PSMD14: variants seen among roughly 807,000 people sequenced by gnomAD.
PSMD14 encodes proteasome 26S subunit, non-ATPase 14.
A neutral mutation model predicts 41.2 loss-of-function variants in PSMD14; 7 were observed. That is an observed-to-expected ratio of 0.17 (90% CI 0.10 to 0.32). The LOEUF (loss-of-function observed/expected upper bound fraction) is 0.32, where lower values mean the gene tolerates loss of function less well. Among genes scored for constraint, PSMD14 ranks in the 10% least tolerant of loss-of-function variants. The pLI, the probability that PSMD14 is intolerant of heterozygous loss-of-function variation, is 1.00. For synonymous variants in PSMD14, 114 were observed against 122.3 expected (o/e 0.93, Z 0.45); for missense variants, 139 against 375.6 (o/e 0.37, Z 5.21).
At chr2:161,396,066 G>GGGA (rs1683788880) in intron 10 of PSMD14, among the ~76,000 whole-genome samples, 1 of 152,196 alleles carries the variant, frequency 6.6e-6, no homozygotes, top group Non-Finnish European at 1.5e-5. Flanking sequence ...AGAAGACCAT[G>GGGA]GGAAGCCCTG....
intron 3 of PSMD14, among the ~76,000 whole-genome samples, chr2:161,346,917 A>T (rs529376287): frequency 6.6e-6 from 1 of 152,082 alleles, no homozygotes; most frequent in Admixed American, 6.5e-5. Flanking sequence ...GATCATTATT[A>T]AGCTGAATAC....
At chr2:161,388,966 T>G (rs1007227830) in intron 8 of PSMD14, among the ~76,000 whole-genome samples, 1 of 152,094 alleles carries the variant, frequency 6.6e-6, no homozygotes, top group African/African-American at 2.4e-5. Context: ...AGCAGGTGAG[T>G]AAGTGAAATT....
intron 1 of PSMD14, among the ~76,000 whole-genome samples, chr2:161,311,884 G>A (rs760572852): frequency 1.9e-4 from 29 of 151,848 alleles, no homozygotes; most frequent in Middle Eastern, 3.4e-3. Flanking sequence ...CAAAGAGCTG[G>A]GATTACAGGT....
chr2:161,319,298 A>C (rs1326223830), intron 3 of PSMD14, among the ~76,000 whole-genome samples: 2 of 152,066 alleles, frequency 1.3e-5, no homozygotes, highest in Non-Finnish European at 2.9e-5. Context: ...ACACTGGTAA[A>C]TTTCTGCTAG....
chr2:161,387,055 A>G (rs1393719701), intron 8 of PSMD14, among the ~76,000 whole-genome samples: 1 of 151,966 alleles, frequency 6.6e-6, no homozygotes, highest in Non-Finnish European at 1.5e-5. Flanking sequence ...CTACAGCATC[A>G]TTATTTTTCC....
At chr2:161,381,760 G>A (rs1484067687) in intron 7 of PSMD14, 2 of 151,976 alleles carry the variant, frequency 1.3e-5, no homozygotes, top group East Asian at 3.9e-4. Context: ...ATAGATCCTT[G>A]ACCCTTGGGC....
rs1206226097 is a variant in PSMD14 at position 161,411,428 on chromosome 2, C to G, written c.*28C>G. The stretch of plus-strand genomic sequence containing the variant: ...CAACGAAAAACGCTATTAATGATGC[C>G]TTCAGTGTATATTCCTCTGTTGTTC... On this transcript the variant is annotated 3_prime_UTR_variant, in exon 12 of 12. Transcript: ENST00000409682. The G allele has an allele frequency of 6.7e-7, 1 of 1,481,730 alleles. No homozygotes were observed. The highest frequency in any genetic ancestry group is 1.4e-5 in the African/African-American group (1 of 71,694). 91.8% of individuals were successfully genotyped at this position (1,481,730 alleles called of 1,614,324 possible).
At chr2:161,395,887 T>A (rs1475487882) in intron 10 of PSMD14, among the ~76,000 whole-genome samples, 1 of 152,222 alleles carries the variant, frequency 6.6e-6, no homozygotes, top group Non-Finnish European at 1.5e-5. Flanking sequence ...AAAATCAGTC[T>A]GTACCATAAC....
intron 3 of PSMD14, among the ~76,000 whole-genome samples, chr2:161,361,409 G>T (rs1300050441): frequency 6.6e-6 from 1 of 151,554 alleles, no homozygotes; most frequent in East Asian, 1.9e-4. Context: ...CAGCCTCAGA[G>T]CCAAATGTTT....
chr2:161,350,800 C>T (rs1182070638), intron 3 of PSMD14, among the ~76,000 whole-genome samples: 3 of 152,174 alleles, frequency 2.0e-5, no homozygotes, highest in Non-Finnish European at 4.4e-5. Flanking sequence ...TGAAGGTATT[C>T]CATATCTTGA....
rs140616188 is a variant in PSMD14 at position 161,409,000 on chromosome 2, A to G, written c.834+101A>G. 2.8e-4 allele frequency: 243 copies of G among 866,542 alleles called. 1 individual carries two copies. The African/African-American group carries it at 3.6e-3, about 13-fold the overall frequency. The allele number at this position is 866,542 out of a possible 1,614,324, so 53.7% of individuals were successfully genotyped here. On this transcript the variant is annotated intron_variant, in intron 11 of 11. Transcript: ENST00000409682. ...ATATAATTTTTTTCCTGTCCACTCT[A>G]TGTTTTTCTTCTGTCATGTAAATGT...
intron 10 of PSMD14, 43 bp downstream of exon 10, chr2:161,395,246 T>A (rs374338464): frequency 2.8e-5 from 40 of 1,452,900 alleles, no homozygotes; most frequent in Non-Finnish European, 3.6e-5. Context: ...ATCTTTGGAA[T>A]ATGTATGATT....
intron 3 of PSMD14, among the ~76,000 whole-genome samples, chr2:161,352,366 C>G (rs1683130201): frequency 6.6e-6 from 1 of 152,212 alleles, no homozygotes; most frequent in Admixed American, 6.5e-5. Flanking sequence ...TTAAGAACCT[C>G]TGGCTTACAT....
At chr2:161,357,536 T>G (rs549262176) in intron 3 of PSMD14, among the ~76,000 whole-genome samples, 6 of 152,318 alleles carry the variant, frequency 3.9e-5, no homozygotes, top group African/African-American at 1.4e-4. Flanking sequence ...GTATTGAGGA[T>G]TTATATAGCA....
chr2:161,378,691 G>A (rs1683534895), intron 7 of PSMD14, among the ~76,000 whole-genome samples: 1 of 151,892 alleles, frequency 6.6e-6, no homozygotes. Context: ...ATGATGAAGA[G>A]TACTGGCTTT....
intron 3 of PSMD14, among the ~76,000 whole-genome samples, chr2:161,344,735 A>C (rs1429640811): frequency 6.6e-6 from 1 of 152,214 alleles, no homozygotes; most frequent in African/African-American, 2.4e-5. Flanking sequence ...CCCATTTAAA[A>C]AATTAAGTTA....
At chr2:161,383,595 G>A (rs943255503) in intron 7 of PSMD14, 13 of 151,392 alleles carry the variant, frequency 8.6e-5, no homozygotes, top group Non-Finnish European at 1.8e-4. Flanking sequence ...TAGTTTCAAA[G>A]CATTCAGTAT....
chr2:161,366,418 AC>A (rs1683359384), intron 3 of PSMD14, among the ~76,000 whole-genome samples: 1 of 151,672 alleles, frequency 6.6e-6, no homozygotes, highest in Admixed American at 6.6e-5. Flanking sequence ...ACACACACAC[AC>A]ACAAAAGCAC....
At chr2:161,366,848 T>G (rs1166096883) in intron 3 of PSMD14, among the ~76,000 whole-genome samples, 2 of 152,186 alleles carry the variant, frequency 1.3e-5, no homozygotes, top group African/African-American at 4.8e-5. Context: ...TTAGTAATAC[T>G]TGTTTTAAAG....
Sources: allele counts gnomAD v4.1 joint callset (sites outside exome capture counted in the v4.1 genomes callset), GRCh38; gene constraint gnomAD v4.1.1; transcripts MANE v1.5; gene names NCBI Gene and HGNC (gene_info 2026-07-23, HGNC 2026-07-21).